POLQ: variants seen among roughly 807,000 people sequenced by gnomAD.
POLQ encodes the protein epididymis secretory sperm binding protein.
POLQ carries 233 observed loss-of-function variants against 259.2 expected under a neutral mutation model. The ratio of observed to expected loss-of-function variants is 0.90; its 90% CI spans 0.81 to 1.00. The LOEUF (loss-of-function observed/expected upper bound fraction) is 1.00. POLQ is among the 50% of genes least tolerant of loss of function. POLQ has a pLI of 0.00. For missense variants in POLQ, 2,871 were observed against 3,051.6 expected, an observed-to-expected ratio of 0.94 and a Z score of 1.39; for synonymous variants, 1,025 against 1,048.8, an observed-to-expected ratio of 0.98 and a Z score of 0.44.
At chr3:121,440,466 G>T (rs573731058) in intron 26 of POLQ, among the ~76,000 whole-genome samples, 2 of 152,096 alleles carry the variant, frequency 1.3e-5, no homozygotes, top group South Asian at 4.1e-4. Flanking sequence ...TCCTGCCTAG[G>T]TGGGACTACA....
Position 121,489,897 on chromosome 3 carries a change from C to T in POLQ, c.3034G>A (p.Asp1012Asn). The T allele has an allele frequency of 6.3e-7, 1 of 1,598,664 alleles. No individual in the cohort carries two copies. Among genetic ancestry groups the T allele is most frequent in the South Asian group, 1.1e-5 (1 of 87,334 alleles). Reference protein sequence around the residue: ...GASQNEGKTSDKKVVQTFSQK... With the variant: ...GASQNEGKTSNKKVVQTFSQK... ...GAAAAAGTCTGAACAACTTTCTTAT[C>T]ACTTGTTTTCCCCTCATTCTGAGAG... Residue 1012 changes from aspartate to asparagine, a missense_variant, in exon 16 of 30, where the codon GAT (aspartate) becomes AAT (asparagine). This residue lies in a region of POLQ where 2,080 missense variants were observed against 2,126.0 expected (regional missense o/e 0.98). Transcript: ENST00000264233.
chr3:121,488,313 C>G lies in POLQ; in HGVS notation c.4618G>C (p.Glu1540Gln). The stretch of plus-strand genomic sequence containing the variant: ...AACTGCTGGTGGGTATCTTGATTCT[C>G]ATTTACATTTGATTTTTTAATTAGG... ...EDLIKKSNVN[E>Q]NQDTHQQLTC... The change falls in exon 16 of 30, where the codon GAG becomes CAG. Residue 1540 changes from glutamate to glutamine, a missense_variant. Physicochemically the swap from Glu to Gln is conservative, Grantham distance 29. Around this residue, in one of 3 missense-constraint regions of POLQ, gnomAD observed 2,080 missense variants for 2,126.0 expected, o/e 0.98. Transcript: ENST00000264233. The G allele has an allele frequency of 6.2e-7, 1 of 1,612,512 alleles. No individual in the cohort carries two copies. Among genetic ancestry groups the G allele is most frequent in the South Asian group, 1.1e-5 (1 of 90,654 alleles).
chr3:121,519,746 A>C (rs1023428901), intron 9 of POLQ, 125 bp downstream of exon 9: 21 of 678,364 alleles, frequency 3.1e-5, no homozygotes, highest in Non-Finnish European at 5.1e-5. Context: ...CAAAATGATG[A>C]CACTAGTGCA....
Position 121,489,825 on chromosome 3 carries a change from T to G in POLQ, c.3106A>C (p.Ser1036Arg). 1 of 1,612,246 alleles carries G rather than the reference T, an allele frequency of 6.2e-7. No homozygotes were observed. The change falls in exon 16 of 30, where the codon AGC (serine) becomes CGC (arginine). Residue 1036 changes from serine (S) to arginine (R), a missense_variant. By Grantham distance (110) the Ser-to-Arg change is moderately radical. Around this residue, in one of 3 missense-constraint regions of POLQ, gnomAD observed 2,080 missense variants for 2,126.0 expected, o/e 0.98. Transcript: ENST00000264233. ...CGTTTCCAAGATCGAAAACTTCTGC[T>G]CATCTTTTCTGAATTGAAATTCAAA... is the stretch of plus-strand genomic sequence containing the variant. ...APLNFNSEKM[S>R]RSFRSWKRRK...
intron 21 of POLQ, among the ~76,000 whole-genome samples, chr3:121,472,636 T>C (rs2047894776): frequency 6.6e-6 from 1 of 152,172 alleles, no homozygotes; most frequent in Admixed American, 6.5e-5. Flanking sequence ...AGTGAACTAT[T>C]AAGGAACAGA....
rs376070853 is a variant in POLQ, at chr3:121,481,684, C to A, written c.6099G>T (p.Gly2033=). The A allele has an allele frequency of 8.7e-6, 14 of 1,613,954 alleles. No homozygotes were observed. The African/African-American group carries it at 1.6e-4, about 18-fold the overall frequency. ...METSQGIQSL[G]LNAGSEHSGR... is the part of the protein sequence containing the mutation. ...CAGAATGCTCACTGCCAGCATTTAG[C>A]CCCAGGCTTTGAATCCCTTGGCTGG... The change falls in exon 19 of 30, where the codon GGG becomes GGT. Residue 2033 remains glycine (G), a synonymous_variant. Transcript: ENST00000264233.
chr3:121,447,372 A>G (rs1393400004), intron 26 of POLQ, among the ~76,000 whole-genome samples: 2 of 151,822 alleles, frequency 1.3e-5, no homozygotes, highest in African/African-American at 4.8e-5. Context: ...GAGTTTCACC[A>G]TGTTGGTCTT....
chr3:121,539,658 T>A, intron 3 of POLQ, 69 bp from the exon 4 acceptor site: 2 of 1,160,356 alleles, frequency 1.7e-6, no homozygotes, highest in Non-Finnish European at 2.6e-6. Context: ...ACTGGTTCTA[T>A]CCCAGAACAT....
chr3:121,471,729 A>G (rs545899111), intron 22 of POLQ, among the ~76,000 whole-genome samples: 1 of 152,270 alleles, frequency 6.6e-6, no homozygotes, highest in African/African-American at 2.4e-5. Flanking sequence ...ACCGCACTCC[A>G]GCCTGGCCAA....
chr3:121,449,575 A>C, intron 25 of POLQ, 149 bp from the exon 26 acceptor site: 1 of 630,908 alleles, frequency 1.6e-6, no homozygotes, highest in Non-Finnish European at 2.9e-6. Flanking sequence ...ATCCACAGAG[A>C]CTGATATCCA....
intron 23 of POLQ, 94 bp downstream of exon 23, chr3:121,468,211 T>C: frequency 9.3e-7 from 1 of 1,073,460 alleles, no homozygotes; most frequent in Non-Finnish European, 1.3e-6. Flanking sequence ...AAACATAAAA[T>C]TAAATTAATT....
At chr3:121,522,244 G>A (rs1156388455) in intron 7 of POLQ, 95 bp from the exon 8 acceptor site, 1 of 620,916 alleles carries the variant, frequency 1.6e-6, no homozygotes, top group Non-Finnish European at 2.5e-6. Context: ...GCAGGGGAAT[G>A]GTTCTGAAAC....
At chr3:121,494,457 G>T in intron 14 of POLQ, 1 of 1,503,988 alleles carries the variant, frequency 6.6e-7, no homozygotes, top group Non-Finnish European at 9.2e-7. Context: ...CTGTTGGCCT[G>T]GGCCAAGAAG....
At position 121,487,727 on chromosome 3, in the gene POLQ, A is replaced by C. The variant is rs781532204; in HGVS notation, c.5204T>G (p.Ile1735Ser). Residue 1735 changes from isoleucine to serine, a missense_variant, in exon 16 of 30, where the codon ATT (isoleucine) becomes AGT (serine). Ile to Ser is a moderately radical substitution (Grantham distance 142). Around this residue, in one of 3 missense-constraint regions of POLQ, gnomAD observed 2,080 missense variants for 2,126.0 expected, o/e 0.98. Coordinates refer to ENST00000264233, the MANE Select transcript of POLQ (RefSeq NM_199420.4). ...AGATGTTGGAATGGGTGTAGGAGGA[A>C]TGAGACCATTATCATCAACTATATT... ...ESNIVDDNGLIPPTPIPTSAS... is the reference protein window; with the variant it reads ...ESNIVDDNGLSPPTPIPTSAS... 3.1e-6 allele frequency: 5 copies of C among 1,613,686 alleles called. No individual in the cohort carries two copies. The East Asian group carries it at 1.1e-4, about 36-fold the overall frequency.
Position 121,532,980 on chromosome 3 carries a change from A to T in POLQ, c.960+10T>A. ...ATAAAAATAGTAGTGATGTACATAT[A>T]TTGATTTACCTTCACTTGTAGCATG... is the stretch of plus-strand genomic sequence containing the variant. On this transcript the variant is annotated intron_variant, in intron 6 of 29. Transcript: ENST00000264233. The T allele has an allele frequency of 3.3e-6, 5 of 1,530,968 alleles. No homozygotes were observed. The highest frequency in any genetic ancestry group is 4.5e-6 in the Non-Finnish European group (5 of 1,112,844). 94.8% of individuals were successfully genotyped at this position (1,530,968 alleles called of 1,614,324 possible). A position where few individuals can be genotyped will look rare whatever the true frequency, so the allele number is the denominator to read the frequency against.
At chr3:121,451,637 G>A (rs1414594998) in intron 25 of POLQ, among the ~76,000 whole-genome samples, 6 of 152,174 alleles carry the variant, frequency 3.9e-5, no homozygotes, top group African/African-American at 9.7e-5. Context: ...CTGCCTGATC[G>A]CTCCTCTGGA....
At chr3:121,447,094 T>G (rs769126092) in intron 26 of POLQ, among the ~76,000 whole-genome samples, 17 of 152,128 alleles carry the variant, frequency 1.1e-4, no homozygotes, top group Middle Eastern at 3.4e-3. Flanking sequence ...AATTTCTTGC[T>G]TTTTAGTTTT....
At chr3:121,513,590 G>GAA (rs2048271648) in intron 9 of POLQ, among the ~76,000 whole-genome samples, 1 of 100,234 alleles carries the variant, frequency 1.0e-5, no homozygotes, top group Non-Finnish European at 1.8e-5. Context: ...AACAGAGAGA[G>GAA]ACTCTATCTC....
chr3:121,498,471 G>T lies in POLQ; in HGVS notation c.2153+6C>A. On this transcript the variant is annotated splice_donor_region_variant and intron_variant, in intron 13 of 29. Transcript: ENST00000264233. ...TACCGGAGAGCCCAGAGACCTTGACGTTTACCTTTTATGGATGGCCATTTG... is the reference window on the plus strand; with the variant it reads ...TACCGGAGAGCCCAGAGACCTTGACTTTTACCTTTTATGGATGGCCATTTG... 3 of 1,609,928 alleles carry T rather than the reference G, an allele frequency of 1.9e-6. No homozygotes were observed. Among genetic ancestry groups the T allele is most frequent in the Non-Finnish European group, 2.5e-6 (3 of 1,176,820 alleles).
Sources: gnomAD v4.1 joint callset for allele counts (sites outside exome capture counted in the v4.1 genomes callset) on GRCh38, gnomAD v4.1.1 for gene constraint, gnomAD v4.1.1 regional missense constraint, MANE v1.5 for transcripts, NCBI Gene and HGNC (gene_info 2026-07-23, HGNC 2026-07-21) for gene names.